Variants in AGBL3 observed in about 807,000 individuals in gnomAD.
AGBL3 encodes the protein AGBL carboxypeptidase 3, also known as cytosolic carboxypeptidase 3.
A neutral mutation model predicts 94.5 loss-of-function variants in AGBL3; 68 were observed. The observed-to-expected ratio is 0.72, with a 90% CI of 0.59 to 0.88. The LOEUF is 0.88. AGBL3 is among the 40% of genes least tolerant of loss of function. The pLI is 0.00. For missense variants in AGBL3, 934 were observed against 1,103.8 expected (o/e 0.85, Z 2.18); for synonymous variants, 354 against 370.7 (o/e 0.95, Z 0.52).
chr7:135,013,024 C>A (rs1349327991), intron 4 of AGBL3, among the ~76,000 whole-genome samples: 1 of 152,058 alleles, frequency 6.6e-6, no homozygotes, highest in African/African-American at 2.4e-5. Context: ...AAAATATTCC[C>A]AACACATATA....
At chr7:135,067,459 C>T (rs186097089) in intron 12 of AGBL3, among the ~76,000 whole-genome samples, 159 of 152,312 alleles carry the variant, frequency 1.0e-3, no homozygotes, top group Non-Finnish European at 1.9e-3. Flanking sequence ...GGTCCCTGAC[C>T]CCCGAGTAGC....
chr7:134,997,856 CTCTT>C (rs1233398140), intron 4 of AGBL3, among the ~76,000 whole-genome samples: 3 of 152,202 alleles, frequency 2.0e-5, no homozygotes. Context: ...GGCCTAGGCT[CTCTT>C]TAACAAAGAG....
chr7:135,054,631 T>C (rs1490992712), intron 11 of AGBL3, among the ~76,000 whole-genome samples: 13 of 152,206 alleles, frequency 8.5e-5, no homozygotes, highest in East Asian at 3.8e-4. Context: ...AAACTACTTA[T>C]GTAGTTTCTT....
At chr7:135,036,549 T>C (rs1014009466) in intron 7 of AGBL3, among the ~76,000 whole-genome samples, 16 of 152,324 alleles carry the variant, frequency 1.1e-4, no homozygotes, top group Admixed American at 5.9e-4. Flanking sequence ...TGCATAGCAC[T>C]GTTCTAGATG....
chr7:135,090,657 G>A (rs1205449795), intron 15 of AGBL3, among the ~76,000 whole-genome samples: 1 of 152,138 alleles, frequency 6.6e-6, no homozygotes, highest in Non-Finnish European at 1.5e-5. Context: ...ACCATTTCCT[G>A]GGATACAGAG....
intron 5 of AGBL3, among the ~76,000 whole-genome samples, chr7:135,023,013 T>TA (rs1410172440): frequency 2.0e-5 from 3 of 152,180 alleles, no homozygotes; most frequent in Non-Finnish European, 4.4e-5. Context: ...TTTTTAAATT[T>TA]TTGCCCTAGG....
rs750356454 is a variant in AGBL3, at chr7:135,059,205, T to C, written c.1878T>C (p.Ser626=). Residue 626 remains serine (S), a synonymous_variant, in exon 12 of 17, where the codon TCT becomes TCC. Coordinates refer to ENST00000436302, the MANE Select transcript of AGBL3 (RefSeq NM_178563.4). ...RGSDSSESID[S]LTYLLKLTSQ... is the part of the protein sequence containing the mutation. ...CTGACAGTTCAGAATCCATTGACTC[T>C]CTGACTTACCTTCTCAAGTTAACTT... 8.4e-6 allele frequency: 13 copies of C among 1,551,176 alleles called. No individual in the cohort carries two copies. The highest frequency in any genetic ancestry group is 2.0e-5 in the Admixed American group (1 of 50,942).
chr7:135,103,078 A>G (rs1303627905), intron 15 of AGBL3, among the ~76,000 whole-genome samples: 1 of 152,148 alleles, frequency 6.6e-6, no homozygotes, highest in Non-Finnish European at 1.5e-5. Context: ...CACAAACACA[A>G]TACTCCGGCA....
intron 15 of AGBL3, chr7:135,101,042 C>G (rs1585116934): frequency 2.6e-6 from 1 of 380,952 alleles, no homozygotes; most frequent in East Asian, 7.2e-5. Context: ...GAGTAGCTTA[C>G]TGTTGACAAT....
chr7:135,097,721 T>C (rs1823121800), intron 15 of AGBL3, among the ~76,000 whole-genome samples: 1 of 152,094 alleles, frequency 6.6e-6, no homozygotes, highest in Non-Finnish European at 1.5e-5. Flanking sequence ...CTTCTGACTT[T>C]ATGGAAATGG....
chr7:135,078,194 C>T (rs925580991), intron 13 of AGBL3, among the ~76,000 whole-genome samples: 1 of 152,160 alleles, frequency 6.6e-6, no homozygotes, highest in African/African-American at 2.4e-5. Context: ...GTCTGAAGAG[C>T]AGAGCTGAAT....
chr7:135,129,760 C>A, intron 16 of AGBL3: 1 of 666,712 alleles, frequency 1.5e-6, no homozygotes, highest in South Asian at 1.6e-5. Context: ...CACAAAGTAA[C>A]CCTGCAGGAT....
At chr7:135,133,241 T>C (rs1829044525) in intron 16 of AGBL3, among the ~76,000 whole-genome samples, 1 of 152,210 alleles carries the variant, frequency 6.6e-6, no homozygotes, top group Non-Finnish European at 1.5e-5. Flanking sequence ...TTTTACAGGG[T>C]TTCTATGCTG....
In AGBL3 at chr7:135,134,946, A is replaced by G. The variant is rs1829271145; in HGVS notation, c.2448A>G (p.Ser816=). Residue 816 remains serine (S), a synonymous_variant, in exon 17 of 17, where the codon TCA becomes TCG. Coordinates refer to ENST00000436302, the MANE Select transcript of AGBL3 (RefSeq NM_178563.4). ...VIQGDVMANS[S]EWVQSKPHRS... is the part of the protein sequence containing the mutation. ...AAGGGGATGTTATGGCAAACTCTTC[A>G]GAATGGGTCCAGTCTAAGCCCCACA... 2.6e-6 allele frequency: 4 copies of G among 1,551,226 alleles called. No homozygotes were observed. The highest frequency in any genetic ancestry group is 2.0e-5 in the Admixed American group (1 of 50,966).
rs1298995384 is a variant in AGBL3, at chr7:135,059,244, G to A, written c.1908+9G>A. 6.5e-7 allele frequency: 1 copy of A among 1,547,988 alleles called. No individual in the cohort carries two copies. The highest frequency in any genetic ancestry group is 2.4e-5 in the East Asian group (1 of 40,844). On this transcript the variant is annotated intron_variant, in intron 12 of 16. Coordinates refer to ENST00000436302, the MANE Select transcript of AGBL3 (RefSeq NM_178563.4). ...TCAAGTTAACTTCTCAGGTATGACTGAACATTTTTGCTTATATGTGGATAT... is the reference window on the plus strand; with the variant it reads ...TCAAGTTAACTTCTCAGGTATGACTAAACATTTTTGCTTATATGTGGATAT...
At position 135,085,824 on chromosome 7, in the gene AGBL3, G is replaced by T. The variant is rs140514010; in HGVS notation, c.2110+4034G>T. Among the ~76,000 whole-genome samples the T allele has an allele frequency of 4.6e-3, 696 of 152,070 alleles. 3 individuals are homozygous for T. Among genetic ancestry groups the T allele is most frequent in the African/African-American group, 0.016 (666 of 41,540 alleles). On this transcript the variant is annotated intron_variant, in intron 15 of 16. Transcript: ENST00000436302. ...TGCTCAGGATTTGCTTTTGCTATTT[G>T]GGGTCTTCCATGGTTCTGCACAAAT...
intron 15 of AGBL3, among the ~76,000 whole-genome samples, chr7:135,083,526 C>CT (rs1019636650): frequency 2.6e-5 from 4 of 152,038 alleles, no homozygotes; most frequent in African/African-American, 9.7e-5. Context: ...TATCCATTCT[C>CT]TAAGAAAAAG....
intron 4 of AGBL3, 79 bp downstream of exon 4, chr7:134,993,757 A>G (rs1584752627): frequency 8.2e-7 from 1 of 1,220,076 alleles, no homozygotes; most frequent in East Asian, 2.8e-5. Context: ...GGAGACTCAC[A>G]ATGTTAGAAA....
chr7:135,037,468 G>T lies in AGBL3; in HGVS notation c.1388G>T (p.Ser463Ile). The T allele has an allele frequency of 6.4e-7, 1 of 1,550,562 alleles. No homozygotes were observed. The change falls in exon 8 of 17, where the codon AGT becomes ATT. Residue 463 changes from serine (S) to isoleucine (I), a missense_variant. Physicochemically the swap from Ser to Ile is moderately radical, Grantham distance 142 (BLOSUM62 -2). Coordinates refer to ENST00000436302, the MANE Select transcript of AGBL3 (RefSeq NM_178563.4). The stretch of plus-strand genomic sequence containing the variant: ...TTATACTGTGATCTTCATGGCCATA[G>T]TAGGAAAGAGAACATCTTCATGTAT... ...VILYCDLHGH[S>I]RKENIFMYGC...
Sources: allele counts gnomAD v4.1 joint callset (sites outside exome capture counted in the v4.1 genomes callset), GRCh38; gene constraint gnomAD v4.1.1; transcripts MANE v1.5; gene names NCBI Gene and HGNC (gene_info 2026-07-23, HGNC 2026-07-21).